The following USP2 variants were observed in gnomAD, a reference collection of about 807,000 sequenced individuals.
USP2 encodes ubiquitin specific peptidase 2.
A neutral mutation model predicts 72.0 loss-of-function variants in USP2; 33 were observed. The ratio of observed to expected loss-of-function variants is 0.46; its 90% CI spans 0.35 to 0.61. The LOEUF is 0.61. Ranked by LOEUF, USP2 falls within the 20% of genes least tolerant of loss-of-function variation. The pLI, the probability that USP2 is intolerant of heterozygous loss-of-function variation, is 0.01. For missense variants in USP2, 691 were observed against 797.8 expected (o/e 0.87, Z 1.61); for synonymous variants, 296 against 312.5 (o/e 0.95, Z 0.56).
In USP2 at chr11:119,373,513, C is replaced by G. The variant is rs201872208; in HGVS notation, c.-33G>C. On this transcript the variant is annotated 5_prime_UTR_variant, in exon 2 of 13. Transcript: ENST00000260187. ...GGTGGCACTCAGTGGGGACTGGGAGCCTCATGGGCTGAAAGACAAGGAGTG... is the reference window on the plus strand; with the variant it reads ...GGTGGCACTCAGTGGGGACTGGGAGGCTCATGGGCTGAAAGACAAGGAGTG... 11 of 1,535,728 alleles carry G rather than the reference C, an allele frequency of 7.2e-6. No individual in the cohort carries two copies. In the African/African-American group the frequency reaches 1.4e-4, roughly 19 times the overall value.
chr11:119,357,251 C>T lies in USP2; in HGVS notation c.1666G>A (p.Gly556Ser), dbSNP rs1950680051. 6.2e-7 allele frequency: 1 copy of T among 1,613,540 alleles called. No individual in the cohort carries two copies. Among genetic ancestry groups the T allele is most frequent in the Admixed American group, 1.7e-5 (1 of 59,956 alleles). ...VSNHSGTTMG[G>S]HYTAYCRSPG... The stretch of plus-strand genomic sequence containing the variant: ...CTGCGACAGTAGGCTGTATAGTGGC[C>T]ACCCATGGTGGTTCCGGAGTGATTG... Residue 556 changes from glycine to serine, a missense_variant, in exon 12 of 13, where the codon GGC becomes AGC. By Grantham distance (56) the Gly-to-Ser change is moderately conservative. Transcript: ENST00000260187.
At chr11:119,361,018 A>C (rs914308214) in intron 2 of USP2, among the ~76,000 whole-genome samples, 4 of 152,204 alleles carry the variant, frequency 2.6e-5, no homozygotes, top group Non-Finnish European at 5.9e-5. Context: ...AAACAACAAA[A>C]CACCTTGAGT....
At chr11:119,360,322 A>T in intron 2 of USP2, 88 bp from the exon 3 acceptor site, 1 of 1,318,086 alleles carries the variant, frequency 7.6e-7, no homozygotes, top group Middle Eastern at 1.8e-4. Flanking sequence ...AACCAGCTGG[A>T]GCCACAGGCA....
At position 119,359,048 on chromosome 11, in the gene USP2, T is replaced by G; in HGVS notation, c.1148A>C (p.Asn383Thr). 1.2e-6 allele frequency: 2 copies of G among 1,614,042 alleles called. No individual in the cohort carries two copies. The highest frequency in any genetic ancestry group is 1.7e-6 in the Non-Finnish European group (2 of 1,180,028). Reference sequence around the variant, plus strand: ...CGGAAGATGATCGAGGTTCTCAGGGTTGGACTTAGGTCTCAGTGTCACTCG... The same window carrying G: ...CGGAAGATGATCGAGGTTCTCAGGGGTGGACTTAGGTCTCAGTGTCACTCG... ...VNRVTLRPKSNPENLDHLPDD... is the reference protein window; with the variant it reads ...VNRVTLRPKSTPENLDHLPDD... Residue 383 changes from asparagine to threonine, a missense_variant, in exon 6 of 13, where the codon AAC becomes ACC. Asn to Thr is a moderately conservative substitution (Grantham distance 65, BLOSUM62 0). Transcript: ENST00000260187.
rs1327334281 is a variant in USP2 at position 119,359,812 on chromosome 11, A to G, written c.826-152T>C. ...CTCAAGTTCCTCTTTTCATAAGTGA[A>G]AGGGGTGAAGTGAGGCAAACCCCCA... is the stretch of plus-strand genomic sequence containing the variant. On this transcript the variant is annotated intron_variant, in intron 3 of 12. Transcript: ENST00000260187. 3 of 1,172,016 alleles carry G rather than the reference A, an allele frequency of 2.6e-6. No homozygotes were observed. The African/African-American group carries it at 4.6e-5, about 18-fold the overall frequency. The allele number at this position is 1,172,016 out of a possible 1,614,324, so 72.6% of individuals were successfully genotyped here.
At chr11:119,370,807 A>C (rs985876920) in intron 2 of USP2, among the ~76,000 whole-genome samples, 1 of 152,156 alleles carries the variant, frequency 6.6e-6, no homozygotes, top group African/African-American at 2.4e-5. Context: ...GCAATCTGCC[A>C]CTTCTTTGAG....
chr11:119,357,465 C>G lies in USP2; in HGVS notation c.1609+18G>C. On this transcript the variant is annotated intron_variant, in intron 11 of 12. Coordinates refer to ENST00000260187, the MANE Select transcript of USP2 (RefSeq NM_004205.5). ...CACCTGCGTCTTCATTCTGCCCTGC[C>G]TACTCAAAGATACTCACTGGTGTTT... 1 of 1,614,056 alleles carries G rather than the reference C, an allele frequency of 6.2e-7. No individual in the cohort carries two copies. The highest frequency in any genetic ancestry group is 8.5e-7 in the Non-Finnish European group (1 of 1,180,014).
rs1276331276 is a variant in USP2, at chr11:119,357,327, C to T, written c.1610-20G>A. 2 of 1,612,356 alleles carry T rather than the reference C, an allele frequency of 1.2e-6. No individual in the cohort carries two copies. The highest frequency in any genetic ancestry group is 3.3e-5 in the Admixed American group (2 of 59,942). On this transcript the variant is annotated intron_variant, in intron 11 of 12. Transcript: ENST00000260187. Reference sequence around the variant, plus strand: ...CATGGTCTGAGGAGGAGGCAGCCGTCAAGCCCCCGAGGCCCCCCTGCCCCG... The same window carrying T: ...CATGGTCTGAGGAGGAGGCAGCCGTTAAGCCCCCGAGGCCCCCCTGCCCCG...
Position 119,373,121 on chromosome 11 carries a change from G to A in USP2, c.360C>T (p.Asn120=), listed in dbSNP as rs748746628. ...GSGFPYGVTN[N]CLSYLPINAY... ...CATTGATGGGCAGGTAGCTGAGGCA[G>A]TTGTTGGTCACTCCATAAGGGAATC... The change falls in exon 2 of 13, where the codon AAC becomes AAT. Residue 120 remains asparagine (N), a synonymous_variant. Transcript: ENST00000260187. The A allele has an allele frequency of 6.2e-7, 1 of 1,614,152 alleles. No individual in the cohort carries two copies. The highest frequency in any genetic ancestry group is 1.1e-5 in the South Asian group (1 of 91,088).
At chr11:119,368,864 C>T (rs1427215221) in intron 2 of USP2, among the ~76,000 whole-genome samples, 2 of 152,212 alleles carry the variant, frequency 1.3e-5, no homozygotes, top group African/African-American at 4.8e-5. Context: ...GGGCAGAGGC[C>T]AGCGGGCAGA....
rs1365813620 is a variant in USP2 at position 119,357,980 on chromosome 11, C to T, written c.1422+1G>A. The stretch of plus-strand genomic sequence containing the variant: ...CTTGCTATTACCGAAGGGTGACTTA[C>T]TGGCTTTTCATCTCCATCAAGCACA... On this transcript the variant is annotated splice_donor_variant, in intron 9 of 12. Transcript: ENST00000260187. LOFTEE classifies it high-confidence loss of function. The T allele has an allele frequency of 6.2e-7, 1 of 1,614,218 alleles. No individual in the cohort carries two copies. Among genetic ancestry groups the T allele is most frequent in the Admixed American group, 1.7e-5 (1 of 60,030 alleles).
At position 119,373,644 on chromosome 11, in the gene USP2, G is replaced by A. The variant is rs547725386; in HGVS notation, c.-41-123C>T. The A allele has an allele frequency of 2.6e-4, 252 of 980,092 alleles. 1 individual carries two copies. In the Middle Eastern group the frequency reaches 4.2e-3, roughly 16 times the overall value. The allele number at this position is 980,092 out of a possible 1,614,324, so 60.7% of individuals were successfully genotyped here. ...CCCAGTCCATTTCCACAAGAGGCAG[G>A]CTGGCTGCTGAGAAGCACACATGCA... On this transcript the variant is annotated intron_variant, in intron 1 of 12. Coordinates refer to ENST00000260187, the MANE Select transcript of USP2 (RefSeq NM_004205.5).
chr11:119,372,726 G>T lies in USP2; in HGVS notation c.755C>A (p.Ser252Tyr). Residue 252 changes from serine to tyrosine, a missense_variant, in exon 2 of 13, where the codon TCC becomes TAC. By Grantham distance (144) the Ser-to-Tyr change is moderately radical. Coordinates refer to ENST00000260187, the MANE Select transcript of USP2 (RefSeq NM_004205.5). ...ACTCACCATGCCGTCTCTTCCCGGG[G>T]AGCTGGAGCGGCTGGGCCCAGGGGC... ...GQAPGPSRSS[S>Y]PGRDGMNSKS... The T allele has an allele frequency of 2.6e-6, 4 of 1,524,090 alleles. No individual in the cohort carries two copies. Among genetic ancestry groups the T allele is most frequent in the Non-Finnish European group, 3.5e-6 (4 of 1,139,400 alleles). The allele number at this position is 1,524,090 out of a possible 1,614,324, so 94.4% of individuals were successfully genotyped here. A position where few individuals can be genotyped will look rare whatever the true frequency, so the allele number is the denominator to read the frequency against.
intron 9 of USP2, 29 bp from the exon 10 acceptor site, chr11:119,357,864 TGTG>T: frequency 3.7e-6 from 6 of 1,614,028 alleles, no homozygotes; most frequent in Non-Finnish European, 5.1e-6. Flanking sequence ...AGAAAGAACT[TGTG>T]GGGAAGTCAG....
intron 2 of USP2, among the ~76,000 whole-genome samples, chr11:119,368,330 C>T (rs1464783977): frequency 6.6e-6 from 1 of 152,220 alleles, no homozygotes; most frequent in African/African-American, 2.4e-5. Context: ...GCTAGACAAA[C>T]AAGGCAGCAG....
chr11:119,364,255 G>T, intron 2 of USP2: 1 of 975,842 alleles, frequency 1.0e-6, no homozygotes, highest in Non-Finnish European at 1.2e-6. Flanking sequence ...GCGCTGGGGC[G>T]GGGCCAGGCC....
intron 2 of USP2, among the ~76,000 whole-genome samples, chr11:119,362,529 G>A (rs921334642): frequency 2.0e-5 from 3 of 152,172 alleles, no homozygotes; most frequent in Non-Finnish European, 4.4e-5. Context: ...GGGGGCGACA[G>A]AGGAGGGGGA....
chr11:119,374,756 G>A (rs752433998), intron 1 of USP2, among the ~76,000 whole-genome samples: 2 of 152,102 alleles, frequency 1.3e-5, no homozygotes, highest in Non-Finnish European at 2.9e-5. Flanking sequence ...GCTCTTGGGG[G>A]GCTTTCTAGG....
Position 119,358,848 on chromosome 11 carries a change from G to A in USP2, c.1173-11C>T. The A allele has an allele frequency of 1.2e-6, 2 of 1,613,992 alleles. No homozygotes were observed. Among genetic ancestry groups the A allele is most frequent in the South Asian group, 2.2e-5 (2 of 91,090 alleles). Reference sequence around the variant, plus strand: ...CCTTTCTCGTCATCACTGGGAACCAGAGAGAGACAACAATTGGGTCAAAGC... The same window carrying A: ...CCTTTCTCGTCATCACTGGGAACCAAAGAGAGACAACAATTGGGTCAAAGC... On this transcript the variant is annotated splice_polypyrimidine_tract_variant and intron_variant, in intron 6 of 12. Transcript: ENST00000260187.
Sources: gnomAD v4.1 joint callset for allele counts (sites outside exome capture counted in the v4.1 genomes callset) on GRCh38, gnomAD v4.1.1 for gene constraint, MANE v1.5 for transcripts, NCBI Gene and HGNC (gene_info 2026-07-23, HGNC 2026-07-21) for gene names.